The following DNAH6 variants were observed in gnomAD, a reference collection of about 807,000 sequenced individuals.
DNAH6 encodes the protein axonemal beta dynein heavy chain 6.
Under a neutral mutation model 491.4 loss-of-function variants are expected in DNAH6, and 340 were observed. The observed-to-expected ratio is 0.69, with a 90% CI of 0.63 to 0.76. The LOEUF is 0.76. Ranked by LOEUF, DNAH6 falls within the 30% of genes least tolerant of loss-of-function variation. DNAH6 has a pLI of 0.00. For missense variants in DNAH6, 4,443 were observed against 4,972.2 expected, an observed-to-expected ratio of 0.89 and a Z score of 3.20; for synonymous variants, 1,603 against 1,686.1, an observed-to-expected ratio of 0.95 and a Z score of 1.21.
At chr2:84,818,484 CAAAAAAAAAAAA>C (rs59242387) in intron 76 of DNAH6, among the ~76,000 whole-genome samples, 2,252 of 64,032 alleles carry the variant, frequency 0.035, 77 homozygotes, top group African/African-American at 0.1. Flanking sequence ...GACCCTATCT[CAAAAAAAAAAAA>C]AAAAAAAAAA....
chr2:84,568,359 T>C (rs996016246), intron 11 of DNAH6, among the ~76,000 whole-genome samples: 1 of 152,388 alleles, frequency 6.6e-6, no homozygotes, highest in East Asian at 1.9e-4. Context: ...GAAAATGTGA[T>C]ATATATATAC....
chr2:84,663,266 C>T, intron 37 of DNAH6, among the ~76,000 whole-genome samples: 1 of 152,146 alleles, frequency 6.6e-6, no homozygotes. Flanking sequence ...GAGAAGAAGG[C>T]CTCAGACGAT....
At position 84,570,651 on chromosome 2, in the gene DNAH6, A is replaced by G. The variant is rs571888557; in HGVS notation, c.1804-2816A>G. Among the ~76,000 whole-genome samples the G allele has an allele frequency of 1.6e-4, 24 of 152,194 alleles. No individual in the cohort carries two copies. In the South Asian group the frequency reaches 4.6e-3, roughly 29 times the overall value. The stretch of plus-strand genomic sequence containing the variant: ...TCTCTAGCTAAAGGATTGTAAATGC[A>G]CCAATCAGCACTCTGTAAAATGGGC... On this transcript the variant is annotated intron_variant, in intron 11 of 76. Transcript: ENST00000389394.
At chr2:84,796,263 T>C in intron 68 of DNAH6, 43 bp from the exon 69 acceptor site, 1 of 1,343,778 alleles carries the variant, frequency 7.4e-7, no homozygotes, top group Non-Finnish European at 9.8e-7. Context: ...CCTATCAATT[T>C]TTTAAAAACA....
intron 49 of DNAH6, 57 bp downstream of exon 49, chr2:84,701,396 A>G: frequency 6.6e-7 from 1 of 1,510,642 alleles, no homozygotes; most frequent in Non-Finnish European, 8.9e-7. Flanking sequence ...AACTTTTGAG[A>G]ATGCATGGAA....
chr2:84,484,183 CA>C, the DNAH6 span, among the ~76,000 whole-genome samples: 1 of 152,114 alleles, frequency 6.6e-6, no homozygotes, highest in Non-Finnish European at 1.5e-5. Flanking sequence ...CTGACATCTG[CA>C]TCTAGTCCAG....
chr2:84,785,782 G>A (rs763463406), intron 67 of DNAH6, 26 bp downstream of exon 67: 1 of 1,486,000 alleles, frequency 6.7e-7, no homozygotes, highest in Non-Finnish European at 9.0e-7. Flanking sequence ...CTTTTCAATA[G>A]CAACAAGGAA....
At chr2:84,523,896 G>A (rs1676365946) in intron 2 of DNAH6, among the ~76,000 whole-genome samples, 2 of 152,038 alleles carry the variant, frequency 1.3e-5, no homozygotes, top group South Asian at 2.1e-4. Flanking sequence ...TTTAGAAGAT[G>A]TGGCAATGAG....
chr2:84,477,313 A>C, the DNAH6 span, among the ~76,000 whole-genome samples: 1 of 152,304 alleles, frequency 6.6e-6, no homozygotes. Context: ...TCAATCTAGG[A>C]GCCTAGGAGG....
chr2:84,634,965 T>C (rs1688733896), intron 30 of DNAH6, among the ~76,000 whole-genome samples: 1 of 152,158 alleles, frequency 6.6e-6, no homozygotes, highest in African/African-American at 2.4e-5. Context: ...CCTTTGGAGA[T>C]CTGGTCACAA....
intron 39 of DNAH6, 103 bp from the exon 40 acceptor site, chr2:84,672,224 G>A: frequency 8.4e-7 from 1 of 1,187,900 alleles, no homozygotes. Flanking sequence ...AGCTCTTTAT[G>A]ACCTGTAGGA....
intron 14 of DNAH6, among the ~76,000 whole-genome samples, chr2:84,583,635 T>A (rs886751066): frequency 6.6e-6 from 1 of 152,194 alleles, no homozygotes; most frequent in East Asian, 1.9e-4. Flanking sequence ...TGGAGATAAT[T>A]GAATCATGGG....
intron 5 of DNAH6, 99 bp from the exon 6 acceptor site, chr2:84,547,169 T>C (rs1678867391): frequency 1.0e-6 from 1 of 985,856 alleles, no homozygotes; most frequent in South Asian, 1.9e-5. Context: ...CACACAGAGG[T>C]GTTTATTATC....
chr2:84,637,392 A>C lies in DNAH6; in HGVS notation c.4821+15A>C. 6.6e-7 allele frequency: 1 copy of C among 1,508,372 alleles called. No individual in the cohort carries two copies. The highest frequency in any genetic ancestry group is 8.9e-7 in the Non-Finnish European group (1 of 1,122,844). The allele number at this position is 1,508,372 out of a possible 1,614,324, so 93.4% of individuals were successfully genotyped here. A position where few individuals can be genotyped will look rare whatever the true frequency, so the allele number is the denominator to read the frequency against. ...TGATTGCAGAGGTGAGCATCACATT[A>C]TAAAGCAGCAGAAATGTAAACTTCT... On this transcript the variant is annotated intron_variant, in intron 31 of 76. Transcript: ENST00000389394.
intron 56 of DNAH6, among the ~76,000 whole-genome samples, chr2:84,710,851 TAAAAA>T (rs34105401): frequency 6.2e-5 from 9 of 144,934 alleles, no homozygotes; most frequent in Non-Finnish European, 1.5e-5. Flanking sequence ...TAACTTTTGT[TAAAAA>T]AAAAAAAAGA....
chr2:84,464,621 G>A, the DNAH6 span, among the ~76,000 whole-genome samples: 1 of 152,284 alleles, frequency 6.6e-6, no homozygotes, highest in South Asian at 2.1e-4. Flanking sequence ...TAAACAAGGG[G>A]TAGATTATTC....
At position 84,762,458 on chromosome 2, in the gene DNAH6, C is replaced by T. The variant is rs560202599; in HGVS notation, c.10513-297C>T. Among the ~76,000 whole-genome samples the T allele has an allele frequency of 3.3e-5, 5 of 152,236 alleles. No homozygotes were observed. The East Asian group carries it at 9.7e-4, about 29-fold the overall frequency. ...AAGTAAAGTCCACAAGAATGTGAAA[C>T]AGGACAGAAGAAGCAAGGAAGGGGA... On this transcript the variant is annotated intron_variant, in intron 63 of 76. Transcript: ENST00000389394.
rs190345981 is a variant in DNAH6 at position 84,789,236 on chromosome 2, C to T, written c.11239+1934C>T. Among the ~76,000 whole-genome samples the T allele has an allele frequency of 3.0e-3, 457 of 152,276 alleles. 3 individuals carry two copies. Among genetic ancestry groups the T allele is most frequent in the African/African-American group, 0.011 (445 of 41,542 alleles). ...AAAAAATTAATCTTGTTCATGCCCT[C>T]GCTGAAGCACACCAACAATTAACAG... is the stretch of plus-strand genomic sequence containing the variant. On this transcript the variant is annotated intron_variant, in intron 68 of 76. Coordinates refer to ENST00000389394, the MANE Select transcript of DNAH6 (RefSeq NM_001370.2).
intron 64 of DNAH6, among the ~76,000 whole-genome samples, chr2:84,778,595 G>A (rs927435887): frequency 6.6e-6 from 1 of 151,806 alleles, no homozygotes; most frequent in Admixed American, 6.6e-5. Flanking sequence ...AACCTCCCCA[G>A]GGTCAGGTGA....
Sources: gnomAD v4.1 joint callset for allele counts (sites outside exome capture counted in the v4.1 genomes callset) on GRCh38, gnomAD v4.1.1 for gene constraint, MANE v1.5 for transcripts, NCBI Gene and HGNC (gene_info 2026-07-23, HGNC 2026-07-21) for gene names.